GABRG3: variants seen among roughly 807,000 people sequenced by gnomAD.
The protein encoded by GABRG3 is gamma-aminobutyric acid receptor subunit gamma-3.
GABRG3 carries 25 observed loss-of-function variants against 48.8 expected under a neutral mutation model. The observed-to-expected ratio is 0.51, with a 90% confidence interval of 0.37 to 0.72. The LOEUF is 0.72. Ranked by LOEUF, GABRG3 falls within the 30% of genes least tolerant of loss-of-function variation. The pLI is 0.00. For synonymous variants in GABRG3, 227 were observed against 217.6 expected, an observed-to-expected ratio of 1.04 and a Z score of -0.38; for missense variants, 394 against 577.9, an observed-to-expected ratio of 0.68 and a Z score of 3.26.
At chr15:27,395,050 C>A (rs1246719636) in intron 5 of GABRG3, among the ~76,000 whole-genome samples, 5 of 152,108 alleles carry the variant, frequency 3.3e-5, no homozygotes, top group African/African-American at 1.2e-4. Context: ...TCTTTGTGAC[C>A]TTTCCCCTCT....
intron 7 of GABRG3, among the ~76,000 whole-genome samples, chr15:27,525,275 T>G (rs912999234): frequency 5.3e-5 from 8 of 152,180 alleles, no homozygotes; most frequent in African/African-American, 1.9e-4. Flanking sequence ...AGGATTTATA[T>G]TCACTCATCC....
chr15:27,398,362 T>G (rs111771472), intron 5 of GABRG3, among the ~76,000 whole-genome samples: 6 of 152,312 alleles, frequency 3.9e-5, no homozygotes, highest in African/African-American at 1.2e-4. Flanking sequence ...CCATGCTTAT[T>G]AAATTGACTT....
intron 3 of GABRG3, among the ~76,000 whole-genome samples, chr15:27,171,107 A>G (rs1003550002): frequency 6.6e-5 from 10 of 152,278 alleles, no homozygotes; most frequent in Non-Finnish European, 7.4e-5. Context: ...TCTCACAGCC[A>G]TGATGCTCAG....
intron 3 of GABRG3, among the ~76,000 whole-genome samples, chr15:27,312,519 G>A (rs1156671558): frequency 1.3e-5 from 2 of 151,960 alleles, no homozygotes; most frequent in African/African-American, 4.8e-5. Flanking sequence ...GTCAGAAAAA[G>A]AGAATTTCGA....
intron 5 of GABRG3, among the ~76,000 whole-genome samples, chr15:27,399,465 G>A (rs948198305): frequency 1.1e-4 from 16 of 152,116 alleles, no homozygotes; most frequent in African/African-American, 3.4e-4. Context: ...ACATGGCAAC[G>A]GTTCCTTTGT....
intron 3 of GABRG3, among the ~76,000 whole-genome samples, chr15:27,191,680 G>A (rs376943277): frequency 2.8e-4 from 42 of 152,172 alleles, no homozygotes; most frequent in African/African-American, 7.9e-4. Flanking sequence ...TCTTTATCCA[G>A]TTTGCCAGTC....
At chr15:27,112,755 T>A (rs1457561252) in intron 3 of GABRG3, among the ~76,000 whole-genome samples, 1 of 152,164 alleles carries the variant, frequency 6.6e-6, no homozygotes, top group Non-Finnish European at 1.5e-5. Flanking sequence ...GATTACTTTT[T>A]AAAACACAAT....
chr15:27,281,261 G>A (rs116834222), intron 3 of GABRG3, among the ~76,000 whole-genome samples: 1,948 of 152,042 alleles, frequency 0.013, 49 homozygotes, highest in African/African-American at 0.045. Context: ...CTTGTATTTG[G>A]TGTATTCAGA....
Position 27,135,298 on chromosome 15 carries a change from T to A in GABRG3, c.270+108477T>A, listed in dbSNP as rs139152017. Among the ~76,000 whole-genome samples, 750 of 152,222 alleles carry A rather than the reference T, an allele frequency of 4.9e-3. 5 individuals carry two copies. The highest frequency in any genetic ancestry group is 0.017 in the African/African-American group (706 of 41,556). Reference sequence around the variant, plus strand: ...AATCAAGCAGAACTCATTAATAGCTTTGAGAATAAGAGCCAGTGTGGCCAG... The same window carrying A: ...AATCAAGCAGAACTCATTAATAGCTATGAGAATAAGAGCCAGTGTGGCCAG... On this transcript the variant is annotated intron_variant, in intron 3 of 9. Transcript: ENST00000615808.
chr15:27,375,074 T>C (rs950127509), intron 5 of GABRG3, among the ~76,000 whole-genome samples: 10 of 152,074 alleles, frequency 6.6e-5, no homozygotes, highest in Admixed American at 6.5e-4. Flanking sequence ...TTTAGGGGAA[T>C]TCAATGGGCC....
intron 5 of GABRG3, chr15:27,420,596 AT>A (rs1002588318): frequency 1.4e-4 from 22 of 152,170 alleles, no homozygotes; most frequent in African/African-American, 5.3e-4. Flanking sequence ...AATTAGTTTG[AT>A]TGTGGTGATC....
At chr15:27,429,575 C>A (rs1888388755) in intron 5 of GABRG3, among the ~76,000 whole-genome samples, 1 of 152,200 alleles carries the variant, frequency 6.6e-6, no homozygotes, top group Non-Finnish European at 1.5e-5. Flanking sequence ...TACATATTAA[C>A]TTCCCATTCT....
intron 5 of GABRG3, among the ~76,000 whole-genome samples, chr15:27,390,152 AT>A (rs1896177757): frequency 6.6e-6 from 1 of 152,228 alleles, no homozygotes; most frequent in South Asian, 2.1e-4. Context: ...TGAGCAATAC[AT>A]TTTTAAGTGA....
At chr15:27,442,740 C>A (rs1189010103) in intron 5 of GABRG3, among the ~76,000 whole-genome samples, 2 of 152,184 alleles carry the variant, frequency 1.3e-5, no homozygotes, top group Non-Finnish European at 2.9e-5. Flanking sequence ...CAATCTGACC[C>A]CTTTATACAG....
intron 3 of GABRG3, among the ~76,000 whole-genome samples, chr15:27,193,740 C>G (rs1432531852): frequency 6.6e-6 from 1 of 152,200 alleles, no homozygotes; most frequent in African/African-American, 2.4e-5. Flanking sequence ...CCTGCGCCCA[C>G]TGTCTGGCAC....
intron 5 of GABRG3, among the ~76,000 whole-genome samples, chr15:27,361,372 T>G (rs752493695): frequency 3.9e-5 from 6 of 152,194 alleles, no homozygotes; most frequent in Non-Finnish European, 5.9e-5. Context: ...AATGTGGCCT[T>G]GGGATTCTGA....
At chr15:27,492,074 T>C (rs1330485878) in intron 6 of GABRG3, among the ~76,000 whole-genome samples, 3 of 152,212 alleles carry the variant, frequency 2.0e-5, no homozygotes, top group Non-Finnish European at 4.4e-5. Context: ...CAAAAAGCTC[T>C]AGAGGTTTGG....
At position 27,180,421 on chromosome 15, in the gene GABRG3, C is replaced by T. The variant is rs905518289; in HGVS notation, c.271-146388C>T. Among the ~76,000 whole-genome samples, 26 of 152,102 alleles carry T rather than the reference C, an allele frequency of 1.7e-4. No homozygotes were observed. The highest frequency in any genetic ancestry group is 6.0e-4 in the African/African-American group (25 of 41,416). ...GCAGTGCATTTGCATCCTGAGGTCACGTTGTGCATCCATTGTCACACTCGG... is the reference window on the plus strand; with the variant it reads ...GCAGTGCATTTGCATCCTGAGGTCATGTTGTGCATCCATTGTCACACTCGG... On this transcript the variant is annotated intron_variant, in intron 3 of 9. Coordinates refer to ENST00000615808, the MANE Select transcript of GABRG3 (RefSeq NM_033223.5). The surrounding 1 kb of genome is among the most constrained non-coding windows in gnomAD (Gnocchi z 4.2).
At chr15:27,417,935 A>G (rs901215769) in intron 5 of GABRG3, among the ~76,000 whole-genome samples, 4 of 152,122 alleles carry the variant, frequency 2.6e-5, no homozygotes, top group Non-Finnish European at 5.9e-5. Flanking sequence ...GCTCTTGCCT[A>G]TACTCGAGTC....
Sources: allele counts gnomAD v4.1 joint callset (sites outside exome capture counted in the v4.1 genomes callset), GRCh38; gene constraint gnomAD v4.1.1; non-coding constraint Gnocchi (gnomAD v3.1); transcripts MANE v1.5; gene names NCBI Gene and HGNC (gene_info 2026-07-23, HGNC 2026-07-21).